The following GAB2 variants were observed in gnomAD, a reference collection of about 807,000 sequenced individuals.
GAB2 encodes GRB2 associated binding protein 2.
Under a neutral mutation model 65.5 loss-of-function variants are expected in GAB2, and 26 were observed. That is an observed-to-expected ratio of 0.40 (90% CI 0.29 to 0.55). The LOEUF is 0.55. Ranked by LOEUF, GAB2 falls within the 20% of genes least tolerant of loss-of-function variation. The pLI is 0.53. For synonymous variants in GAB2, 321 were observed against 329.6 expected, an observed-to-expected ratio of 0.97 and a Z score of 0.28; for missense variants, 884 against 875.8, an observed-to-expected ratio of 1.01 and a Z score of -0.12.
intron 1 of GAB2, among the ~76,000 whole-genome samples, chr11:78,382,679 A>G (rs1040722749): frequency 1.3e-5 from 2 of 152,166 alleles, no homozygotes; most frequent in African/African-American, 2.4e-5. Flanking sequence ...TTTTCAGTCA[A>G]TTGTAATCAT....
chr11:78,274,039 C>T (rs925841541), intron 2 of GAB2, among the ~76,000 whole-genome samples: 7 of 151,726 alleles, frequency 4.6e-5, no homozygotes, highest in Non-Finnish European at 8.8e-5. Flanking sequence ...ATTGCCCAGT[C>T]TCAGGTATGT....
intron 1 of GAB2, among the ~76,000 whole-genome samples, chr11:78,364,590 C>A (rs1466288134): frequency 6.6e-6 from 1 of 152,178 alleles, no homozygotes; most frequent in African/African-American, 2.4e-5. Flanking sequence ...TTGTAAAATG[C>A]TTATTGCTTG....
chr11:78,338,526 C>T (rs1208297106), intron 1 of GAB2, among the ~76,000 whole-genome samples: 5 of 152,190 alleles, frequency 3.3e-5, no homozygotes, highest in African/African-American at 7.2e-5. Flanking sequence ...ACACACTATG[C>T]GCTTTCTCTT....
chr11:78,258,843 A>G (rs540274275), intron 2 of GAB2, among the ~76,000 whole-genome samples: 10 of 152,164 alleles, frequency 6.6e-5, no homozygotes, highest in South Asian at 4.1e-4. Context: ...TTTGATTTTC[A>G]TAAGTTTATA....
intron 2 of GAB2, among the ~76,000 whole-genome samples, chr11:78,259,913 T>C (rs945807686): frequency 1.3e-5 from 2 of 152,192 alleles, no homozygotes; most frequent in African/African-American, 2.4e-5. Context: ...CTCTCTGTAA[T>C]GTGGGCCTGG....
intron 1 of GAB2, among the ~76,000 whole-genome samples, chr11:78,297,705 T>C (rs955796627): frequency 6.6e-6 from 1 of 152,208 alleles, no homozygotes; most frequent in Non-Finnish European, 1.5e-5. Flanking sequence ...GTTTAGATTT[T>C]ATCTTAAATA....
rs373083805 is a variant in GAB2 at position 78,412,031 on chromosome 11, A to AAACAACAACAACAACAAC, written c.75+5597_75+5614dup. On this transcript the variant is annotated intron_variant, in intron 1 of 9. Transcript: ENST00000361507. ...GGTGACAGAGTGAGAATCTGTCTAA[A>AAACAACAACAACAACAAC]AACAACAACAACAACAACAACAACA... 3.7e-3 allele frequency among the ~76,000 whole-genome samples: 563 copies of AAACAACAACAACAACAAC among 150,758 alleles called. 2 individuals carry two copies. Among genetic ancestry groups the AAACAACAACAACAACAAC allele is most frequent in the African/African-American group, 0.013 (541 of 40,722 alleles).
chr11:78,405,039 T>TA (rs1346745902), intron 1 of GAB2, among the ~76,000 whole-genome samples: 15 of 150,470 alleles, frequency 1.0e-4, no homozygotes, highest in African/African-American at 2.9e-4. Context: ...AAGTAAAAAT[T>TA]AAAAAAATAA....
At chr11:78,347,180 A>G (rs1856205389) in intron 1 of GAB2, among the ~76,000 whole-genome samples, 1 of 152,168 alleles carries the variant, frequency 6.6e-6, no homozygotes, top group Non-Finnish European at 1.5e-5. Context: ...AAAAAGTTGT[A>G]TTTAAAGCTT....
chr11:78,258,052 G>C (rs1160441763), intron 2 of GAB2, among the ~76,000 whole-genome samples: 3 of 152,152 alleles, frequency 2.0e-5, no homozygotes, highest in African/African-American at 7.2e-5. Flanking sequence ...ACCGCCTACT[G>C]GCTGAGTGAA....
chr11:78,290,480 C>T (rs186764274), intron 1 of GAB2, among the ~76,000 whole-genome samples: 19 of 152,316 alleles, frequency 1.2e-4, no homozygotes, highest in African/African-American at 3.8e-4. Flanking sequence ...GAACCTGTCT[C>T]TATCCTTTGG....
At chr11:78,270,297 G>A (rs577372495) in intron 2 of GAB2, among the ~76,000 whole-genome samples, 8 of 151,264 alleles carry the variant, frequency 5.3e-5, no homozygotes, top group Admixed American at 2.6e-4. Context: ...TCGCGCCACT[G>A]CACTCCAGCC....
chr11:78,261,457 T>C (rs1470672246), intron 2 of GAB2, among the ~76,000 whole-genome samples: 1 of 152,168 alleles, frequency 6.6e-6, no homozygotes, highest in African/African-American at 2.4e-5. Flanking sequence ...TATCACTTAG[T>C]GAGGTTTTCT....
chr11:78,295,676 A>G (rs546511165), intron 1 of GAB2, among the ~76,000 whole-genome samples: 1 of 152,324 alleles, frequency 6.6e-6, no homozygotes, highest in South Asian at 2.1e-4. Context: ...CCACATGAAC[A>G]GTGGATGCTT....
intron 2 of GAB2, among the ~76,000 whole-genome samples, chr11:78,278,988 CA>C (rs770586922): frequency 7.0e-6 from 1 of 142,226 alleles, no homozygotes; most frequent in African/African-American, 2.7e-5. Context: ...TTCCCTCTAC[CA>C]CTTTTTTTTA....
rs549850013 is a variant in GAB2, at chr11:78,310,101, G to T, written c.76-29200C>A. Among the ~76,000 whole-genome samples the T allele has an allele frequency of 2.0e-5, 3 of 152,054 alleles. No homozygotes were observed. In the South Asian group the frequency reaches 6.2e-4, roughly 32 times the overall value. On this transcript the variant is annotated intron_variant, in intron 1 of 9. Coordinates refer to ENST00000361507, the MANE Select transcript of GAB2 (RefSeq NM_080491.3). ...CAAACCATGCATAGGATAAAATCTC[G>T]CATAACAAAGAATTGTCCCACCTAC...
intron 1 of GAB2, among the ~76,000 whole-genome samples, chr11:78,309,965 T>TGCGCGC (rs1855457313): frequency 1.8e-5 from 2 of 110,042 alleles, no homozygotes; most frequent in African/African-American, 6.7e-5. Flanking sequence ...TGTGTGTGTG[T>TGCGCGC]GTGTGTGCGC....
intron 1 of GAB2, among the ~76,000 whole-genome samples, chr11:78,379,269 C>T (rs897818657): frequency 2.0e-5 from 3 of 152,184 alleles, no homozygotes; most frequent in African/African-American, 7.2e-5. Context: ...CTTCTAATCA[C>T]TCATCCTGAG....
Position 78,217,570 on chromosome 11 carries a change from C to G in GAB2, c.*1702G>C, listed in dbSNP as rs769816059. 1 of 152,126 alleles carries G rather than the reference C, an allele frequency of 6.6e-6. No individual in the cohort carries two copies. The highest frequency in any genetic ancestry group is 2.1e-4 in the South Asian group (1 of 4,816). 9.4% of individuals were successfully genotyped at this position (152,126 alleles called of 1,614,324 possible). ...TTGGGAGGAAGAAGTTCTGTTCGCCCCAGGGTAGAATGAAACGTCTGGTCT... is the reference window on the plus strand; with the variant it reads ...TTGGGAGGAAGAAGTTCTGTTCGCCGCAGGGTAGAATGAAACGTCTGGTCT... On this transcript the variant is annotated 3_prime_UTR_variant, in exon 10 of 10. Coordinates refer to ENST00000361507, the MANE Select transcript of GAB2 (RefSeq NM_080491.3).
Sources: allele counts gnomAD v4.1 joint callset (sites outside exome capture counted in the v4.1 genomes callset), GRCh38; gene constraint gnomAD v4.1.1; transcripts MANE v1.5; gene names NCBI Gene and HGNC (gene_info 2026-07-23, HGNC 2026-07-21).